KSR1: variants seen among roughly 807,000 people sequenced by gnomAD.
The protein encoded by KSR1 is kinase suppressor of ras.
A neutral mutation model predicts 92.9 loss-of-function variants in KSR1; 35 were observed. The ratio of observed to expected loss-of-function variants is 0.38; its 90% CI spans 0.29 to 0.50. The LOEUF (loss-of-function observed/expected upper bound fraction) is 0.50. KSR1 is among the 20% of genes least tolerant of loss of function. The probability of loss-of-function intolerance (pLI) is 0.94; values close to 1 mark genes in which losing one functional copy is unlikely to be tolerated. For missense variants in KSR1, 972 were observed against 1,158.5 expected (o/e 0.84, Z 2.34); for synonymous variants, 467 against 472.6 (o/e 0.99, Z 0.15).
chr17:27,609,185 G>T lies in KSR1; in HGVS notation c.2092-11G>T. 6.2e-7 allele frequency: 1 copy of T among 1,611,368 alleles called. No homozygotes were observed. The highest frequency in any genetic ancestry group is 1.1e-5 in the South Asian group (1 of 90,974). The stretch of plus-strand genomic sequence containing the variant: ...GTTGCACATCTTCACTCCTCCTGAT[G>T]TGTCCTCCAGGGCATGGGATATCTT... On this transcript the variant is annotated splice_polypyrimidine_tract_variant and intron_variant, in intron 15 of 20. Coordinates refer to ENST00000644974, the MANE Select transcript of KSR1 (RefSeq NM_001394583.1).
intron 1 of KSR1, among the ~76,000 whole-genome samples, chr17:27,467,990 C>T (rs1245866692): frequency 1.3e-5 from 2 of 151,622 alleles, no homozygotes; most frequent in African/African-American, 2.4e-5. Flanking sequence ...TTTTCGTTTT[C>T]GTATTTTTAG....
chr17:27,566,329 A>G (rs182731080), intron 2 of KSR1: 3 of 396,266 alleles, frequency 7.6e-6, no homozygotes, highest in South Asian at 1.4e-4. Context: ...GGCACAAACT[A>G]TTTTTGGCTG....
At chr17:27,544,892 C>T (rs2071104583) in intron 1 of KSR1, among the ~76,000 whole-genome samples, 1 of 152,266 alleles carries the variant, frequency 6.6e-6, no homozygotes, top group Non-Finnish European at 1.5e-5. Flanking sequence ...GTGAGAGCAG[C>T]TTCATTTCAC....
chr17:27,531,298 T>C (rs1288140721), intron 1 of KSR1, among the ~76,000 whole-genome samples: 1 of 152,262 alleles, frequency 6.6e-6, no homozygotes, highest in Non-Finnish European at 1.5e-5. Flanking sequence ...TGCTGGGTCA[T>C]GGCCTTGGCA....
At chr17:27,463,252 G>A (rs1223378379) in intron 1 of KSR1, among the ~76,000 whole-genome samples, 1 of 152,200 alleles carries the variant, frequency 6.6e-6, no homozygotes, top group East Asian at 1.9e-4. Flanking sequence ...GCTCATGCCT[G>A]TAATCCCAGC....
At chr17:27,535,905 C>G (rs142701097) in intron 1 of KSR1, among the ~76,000 whole-genome samples, 1 of 152,358 alleles carries the variant, frequency 6.6e-6, no homozygotes, top group East Asian at 1.9e-4. Context: ...AGAATTACCC[C>G]TAGTGACATG....
chr17:27,470,676 C>T (rs1282536679), intron 1 of KSR1, among the ~76,000 whole-genome samples: 2 of 152,144 alleles, frequency 1.3e-5, no homozygotes, highest in African/African-American at 2.4e-5. Context: ...ACACCTAGCC[C>T]CTCCATTTAA....
intron 12 of KSR1, among the ~76,000 whole-genome samples, chr17:27,604,362 C>T (rs574943280): frequency 1.3e-5 from 2 of 152,284 alleles, no homozygotes; most frequent in South Asian, 2.1e-4. Flanking sequence ...AAGTTGAGGC[C>T]GTCAGATTCC....
At chr17:27,598,496 T>A (rs2073426619) in intron 10 of KSR1, among the ~76,000 whole-genome samples, 1 of 152,184 alleles carries the variant, frequency 6.6e-6, no homozygotes, top group Non-Finnish European at 1.5e-5. Context: ...CTCTTTGCCT[T>A]CACCTCAGCA....
intron 6 of KSR1, 77 bp from the exon 7 acceptor site, chr17:27,590,734 C>A: frequency 7.2e-7 from 1 of 1,382,222 alleles, no homozygotes; most frequent in Non-Finnish European, 1.0e-6. Flanking sequence ...TGCCCTGGAG[C>A]TCCATGGGAA....
rs1164016818 is a variant in KSR1 at position 27,459,259 on chromosome 17, C to T, written c.231+2385C>T. ...TGTCTGTCAGTCCGTGCTGATACTA[C>T]GAAAAGAGTCTGCCTGGCAGCTGCC... On this transcript the variant is annotated intron_variant, in intron 1 of 20. Transcript: ENST00000644974. The surrounding 1 kb of genome is among the most constrained non-coding windows in gnomAD (Gnocchi z 4.6). Among the ~76,000 whole-genome samples, 3 of 152,206 alleles carry T rather than the reference C, an allele frequency of 2.0e-5. No homozygotes were observed. The highest frequency in any genetic ancestry group is 4.8e-5 in the African/African-American group (2 of 41,450).
intron 2 of KSR1, among the ~76,000 whole-genome samples, chr17:27,571,544 C>T (rs1384945963): frequency 1.3e-5 from 2 of 152,254 alleles, no homozygotes; most frequent in Non-Finnish European, 2.9e-5. Flanking sequence ...ACCCACAGGG[C>T]TCTAGGAGCC....
At chr17:27,540,814 G>A (rs150696598) in intron 1 of KSR1, among the ~76,000 whole-genome samples, 24 of 152,342 alleles carry the variant, frequency 1.6e-4, no homozygotes, top group East Asian at 5.8e-4. Context: ...GTGCCTGTGC[G>A]TGGAACTGTC....
At chr17:27,621,463 TGA>T (rs1211747715) in intron 20 of KSR1, among the ~76,000 whole-genome samples, 190 bp downstream of exon 20, 1 of 152,054 alleles carries the variant, frequency 6.6e-6, no homozygotes, top group Non-Finnish European at 1.5e-5. Context: ...TTTCGCTGGG[TGA>T]GAGAAGAGCC....
chr17:27,461,865 G>A (rs745967817), intron 1 of KSR1, among the ~76,000 whole-genome samples: 8 of 152,244 alleles, frequency 5.3e-5, no homozygotes, highest in African/African-American at 1.2e-4. Context: ...ACTCCTGCCC[G>A]CTGGGTGTGT....
chr17:27,503,854 T>C (rs1597897685), intron 1 of KSR1, among the ~76,000 whole-genome samples: 1 of 152,312 alleles, frequency 6.6e-6, no homozygotes, highest in African/African-American at 2.4e-5. Context: ...TCGGAGCTCC[T>C]AGTCAACTCA....
intron 1 of KSR1, among the ~76,000 whole-genome samples, chr17:27,491,069 CTATACACACACATACACACA>C (rs757037934): frequency 6.6e-5 from 10 of 152,046 alleles, no homozygotes; most frequent in Non-Finnish European, 1.3e-4. Flanking sequence ...GTGTGTGTAT[CTATACACACACATACACACA>C]TATACACACA....
chr17:27,479,719 AG>A (rs1368962445), intron 1 of KSR1, among the ~76,000 whole-genome samples: 2 of 152,162 alleles, frequency 1.3e-5, no homozygotes, highest in Non-Finnish European at 2.9e-5. Flanking sequence ...GGAAGGAGGA[AG>A]GGCTTCAATG....
chr17:27,625,028 G>A lies in KSR1; in HGVS notation c.*1636G>A, dbSNP rs1462932096. 6.6e-6 allele frequency: 1 copy of A among 152,352 alleles called. No homozygotes were observed. The highest frequency in any genetic ancestry group is 2.4e-5 in the African/African-American group (1 of 41,478). 9.4% of individuals were successfully genotyped at this position (152,352 alleles called of 1,614,324 possible). ...CTTCACCCTTCCCAGTCTGTGTGGG[G>A]AGGCTGTAAACCCCGTGGATTCAGC... is the stretch of plus-strand genomic sequence containing the variant. On this transcript the variant is annotated 3_prime_UTR_variant, in exon 21 of 21. Transcript: ENST00000644974.
Sources: gnomAD v4.1 joint callset for allele counts (sites outside exome capture counted in the v4.1 genomes callset) on GRCh38, gnomAD v4.1.1 for gene constraint, Gnocchi (gnomAD v3.1) non-coding constraint, MANE v1.5 for transcripts, NCBI Gene and HGNC (gene_info 2026-07-23, HGNC 2026-07-21) for gene names.